PRKD1: variants seen among roughly 807,000 people sequenced by gnomAD.
PRKD1 encodes the protein serine/threonine-protein kinase D1.
PRKD1 carries 63 observed loss-of-function variants against 95.9 expected under a neutral mutation model. That is an observed-to-expected ratio of 0.66 (90% CI 0.54 to 0.81). The LOEUF is 0.81. Ranked by LOEUF, PRKD1 falls within the 30% of genes least tolerant of loss-of-function variation. The pLI is 0.00. For synonymous variants in PRKD1, 425 were observed against 423.1 expected (o/e 1.00, Z -0.05); for missense variants, 1,048 against 1,165.3 (o/e 0.90, Z 1.47).
chr14:29,694,356 A>T (rs1884399829), intron 2 of PRKD1, among the ~76,000 whole-genome samples: 1 of 152,240 alleles, frequency 6.6e-6, no homozygotes, highest in Admixed American at 6.5e-5. Flanking sequence ...GAAAAAGTTA[A>T]CTTGCCCAAT....
intron 1 of PRKD1, among the ~76,000 whole-genome samples, chr14:29,760,603 T>A (rs1458760374): frequency 6.6e-6 from 1 of 151,884 alleles, no homozygotes; most frequent in Admixed American, 6.6e-5. Context: ...TCCGCCTGCC[T>A]CGGCCTCCCA....
chr14:29,808,875 G>T (rs1464123450), intron 1 of PRKD1, among the ~76,000 whole-genome samples: 2 of 152,142 alleles, frequency 1.3e-5, no homozygotes, highest in Non-Finnish European at 2.9e-5. Context: ...ATGGCATTTA[G>T]AATGGTGATT....
intron 4 of PRKD1, among the ~76,000 whole-genome samples, chr14:29,655,323 A>G (rs1487149360): frequency 6.6e-6 from 1 of 152,198 alleles, no homozygotes; most frequent in Non-Finnish European, 1.5e-5. Flanking sequence ...GGAATTTACT[A>G]TTATTGAAGC....
chr14:29,864,549 C>A (rs1892819345), intron 1 of PRKD1, among the ~76,000 whole-genome samples: 1 of 151,908 alleles, frequency 6.6e-6, no homozygotes, highest in Non-Finnish European at 1.5e-5. Context: ...CTAAAAATAC[C>A]CCCCTTCATC....
intron 1 of PRKD1, among the ~76,000 whole-genome samples, chr14:29,741,502 C>A: frequency 6.6e-6 from 1 of 152,060 alleles, no homozygotes; most frequent in Non-Finnish European, 1.5e-5. Flanking sequence ...TACTATTGGC[C>A]CAGACTCATA....
intron 13 of PRKD1, among the ~76,000 whole-genome samples, chr14:29,611,307 C>T (rs1312714428): frequency 2.0e-5 from 3 of 152,084 alleles, no homozygotes; most frequent in Non-Finnish European, 2.9e-5. Context: ...ATTAAAATTG[C>T]TCTAAAAATA....
chr14:29,634,596 T>C (rs1445854190), intron 7 of PRKD1, 55 bp from the exon 8 acceptor site: 1 of 1,602,836 alleles, frequency 6.2e-7, no homozygotes, highest in Admixed American at 1.7e-5. Context: ...ATTTTATGTA[T>C]TTTCATGCAT....
intron 16 of PRKD1, among the ~76,000 whole-genome samples, chr14:29,582,328 A>G (rs905938334): frequency 3.3e-5 from 5 of 151,168 alleles, no homozygotes; most frequent in Non-Finnish European, 7.4e-5. Context: ...TAGAAATTCT[A>G]CTTGTCTTAA....
intron 1 of PRKD1, among the ~76,000 whole-genome samples, chr14:29,749,731 T>C (rs1887390807): frequency 6.6e-6 from 1 of 152,122 alleles, no homozygotes; most frequent in Non-Finnish European, 1.5e-5. Flanking sequence ...TAAGTAACCA[T>C]TGTTTTCATA....
chr14:29,694,731 G>A (rs1884418971), intron 2 of PRKD1, among the ~76,000 whole-genome samples: 1 of 152,124 alleles, frequency 6.6e-6, no homozygotes, highest in African/African-American at 2.4e-5. Flanking sequence ...TGTTGGAAAG[G>A]GTGGCCAGAG....
At chr14:29,835,220 A>C (rs1363120750) in intron 1 of PRKD1, among the ~76,000 whole-genome samples, 1 of 152,230 alleles carries the variant, frequency 6.6e-6, no homozygotes, top group Admixed American at 6.5e-5. Flanking sequence ...CAAGATCAAA[A>C]CCCTTCATTG....
At chr14:29,895,325 A>G (rs972538441) in intron 1 of PRKD1, among the ~76,000 whole-genome samples, 16 of 152,100 alleles carry the variant, frequency 1.1e-4, no homozygotes, top group African/African-American at 3.6e-4. Flanking sequence ...TCAAAAACAA[A>G]CAAACAAACA....
At chr14:29,680,011 G>T (rs551331967) in intron 2 of PRKD1, among the ~76,000 whole-genome samples, 1 of 152,138 alleles carries the variant, frequency 6.6e-6, no homozygotes, top group Non-Finnish European at 1.5e-5. Flanking sequence ...GGGTACTGAA[G>T]GAATCAACAT....
At chr14:29,642,189 C>A (rs1243343422) in intron 4 of PRKD1, among the ~76,000 whole-genome samples, 2 of 152,024 alleles carry the variant, frequency 1.3e-5, no homozygotes, top group Non-Finnish European at 2.9e-5. Flanking sequence ...CAGGCATGAG[C>A]CACTGCGCCT....
At chr14:29,599,853 G>GT in intron 13 of PRKD1, 36 bp from the exon 14 acceptor site, 4 of 1,576,606 alleles carry the variant, frequency 2.5e-6, no homozygotes, top group Non-Finnish European at 3.4e-6. Flanking sequence ...AAGAAAATGA[G>GT]TTTTTTGATA....
At position 29,589,971 on chromosome 14, in the gene PRKD1, C is replaced by G. The variant is rs116732638; in HGVS notation, c.2434+7520G>C. On this transcript the variant is annotated intron_variant, in intron 16 of 17. Coordinates refer to ENST00000331968, the MANE Select transcript of PRKD1 (RefSeq NM_002742.3). ...TATCTTCTATACTTGTTTCATTGAC[C>G]CTAAACTAGTGCTGCTTAAAGTGAT... Among the ~76,000 whole-genome samples, 1,176 of 152,034 alleles carry G rather than the reference C, an allele frequency of 7.7e-3. 13 individuals are homozygous for G. Among genetic ancestry groups the G allele is most frequent in the African/African-American group, 0.026 (1,070 of 41,486 alleles).
At chr14:29,917,328 T>A (rs1218839740) in intron 1 of PRKD1, among the ~76,000 whole-genome samples, 1 of 152,226 alleles carries the variant, frequency 6.6e-6, no homozygotes, top group Non-Finnish European at 1.5e-5. Context: ...ACTGACAGTT[T>A]AAAAACTTTT....
At chr14:29,797,767 C>T (rs1032112965) in intron 1 of PRKD1, among the ~76,000 whole-genome samples, 1 of 152,156 alleles carries the variant, frequency 6.6e-6, no homozygotes, top group South Asian at 2.1e-4. Context: ...TGCCCAGCTA[C>T]CATGACTTAC....
intron 1 of PRKD1, among the ~76,000 whole-genome samples, chr14:29,904,754 T>C (rs1456644623): frequency 6.6e-6 from 1 of 152,190 alleles, no homozygotes; most frequent in Non-Finnish European, 1.5e-5. Context: ...CTCATAATTC[T>C]TATCCATAGA....
Sources: gnomAD v4.1 joint callset for allele counts (sites outside exome capture counted in the v4.1 genomes callset) on GRCh38, gnomAD v4.1.1 for gene constraint, MANE v1.5 for transcripts, NCBI Gene and HGNC (gene_info 2026-07-23, HGNC 2026-07-21) for gene names.